Variants in KNSTRN observed in about 807,000 individuals in gnomAD.
KNSTRN encodes kinetochore localized astrin (SPAG5) binding protein, also known as small kinetochore-associated protein.
Under a neutral mutation model 44.7 loss-of-function variants are expected in KNSTRN, and 38 were observed. The observed-to-expected ratio is 0.85, with a 90% confidence interval of 0.66 to 1.11. The LOEUF is 1.11. Among genes scored for constraint, KNSTRN ranks in the 50% most tolerant of loss-of-function variants. The pLI, the probability that KNSTRN is intolerant of heterozygous loss-of-function variation, is 0.00. For synonymous variants in KNSTRN, 158 were observed against 148.1 expected (o/e 1.07, Z -0.48); for missense variants, 406 against 375.8 (o/e 1.08, Z -0.66).
At chr15:40,390,796 G>A (rs920653944) in intron 6 of KNSTRN, among the ~76,000 whole-genome samples, 1 of 151,928 alleles carries the variant, frequency 6.6e-6, no homozygotes, top group Non-Finnish European at 1.5e-5. Flanking sequence ...TGTATTTTTA[G>A]TAGAGATGGG....
In KNSTRN at chr15:40,387,036, G is replaced by A. The variant is rs1000782154; in HGVS notation, c.438-123G>A. On this transcript the variant is annotated intron_variant, in intron 3 of 8. Transcript: ENST00000249776. ...ATAGTCTCTCAGAGCTCTTAAGCTT[G>A]TGCCATTTGCCTTTTATGTCTGGTT... 27 of 737,968 alleles carry A rather than the reference G, an allele frequency of 3.7e-5. No individual in the cohort carries two copies. In the Admixed American group the frequency reaches 5.3e-4, roughly 14 times the overall value. 45.7% of individuals were successfully genotyped at this position (737,968 alleles called of 1,614,324 possible).
At chr15:40,386,274 G>T in intron 2 of KNSTRN, 88 bp from the exon 3 acceptor site, 1 of 1,310,710 alleles carries the variant, frequency 7.6e-7, no homozygotes, top group South Asian at 1.5e-5. Flanking sequence ...AAAGATTTAT[G>T]ACAACTTCGA....
At chr15:40,392,986 T>G (rs1415966485) in intron 8 of KNSTRN, among the ~76,000 whole-genome samples, 1 of 150,614 alleles carries the variant, frequency 6.6e-6, no homozygotes, top group Non-Finnish European at 1.5e-5. Flanking sequence ...CATTTGGATT[T>G]TAGCAGTTTT....
At chr15:40,391,437 C>A in intron 6 of KNSTRN, 56 bp from the exon 7 acceptor site, 1 of 1,403,618 alleles carries the variant, frequency 7.1e-7, no homozygotes, top group South Asian at 1.2e-5. Flanking sequence ...TTTTTATTTT[C>A]TTTTGTTTAG....
rs1889833197 is a variant in KNSTRN, at chr15:40,382,905, TC to T, written c.73del (p.His25ThrfsTer19). 1 of 1,612,306 alleles carries T rather than the reference TC, an allele frequency of 6.2e-7. No homozygotes were observed. Among genetic ancestry groups the T allele is most frequent in the Non-Finnish European group, 8.5e-7 (1 of 1,180,026 alleles). On this transcript the variant is annotated frameshift_variant, in exon 1 of 9. Transcript: ENST00000249776. LOFTEE classifies it high-confidence loss of function. Reference sequence around the variant, plus strand: ...AACATGGCTGTCTACAGAGTGCGATTCCCACCCACTTCCGCCTAGCTACCGG... The same window carrying T: ...AACATGGCTGTCTACAGAGTGCGATTCCACCCACTTCCGCCTAGCTACCGG... ...RTTWLSTECDSHPLPPSYRKF... is the reference protein window; with the variant it reads ...RTTWLSTECDXHPLPPSYRKF...
At position 40,387,184 on chromosome 15, in the gene KNSTRN, A is replaced by T; in HGVS notation, c.463A>T (p.Thr155Ser). The change falls in exon 4 of 9, where the codon ACC (threonine) becomes TCC (serine). Residue 155 changes from threonine (T) to serine (S), a missense_variant. Coordinates refer to ENST00000249776, the MANE Select transcript of KNSTRN (RefSeq NM_033286.4). ...NGQMKATDTATRRNVRKGYKP... is the reference protein window; with the variant it reads ...NGQMKATDTASRRNVRKGYKP... ...GCAAATGAAAGCTACTGACACTGCC[A>T]CCAGAAGGAATGTCAGAAAAGGGTG... 1.9e-6 allele frequency: 3 copies of T among 1,613,638 alleles called. No individual in the cohort carries two copies. The highest frequency in any genetic ancestry group is 2.5e-6 in the Non-Finnish European group (3 of 1,179,538).
In KNSTRN at chr15:40,383,010, G is replaced by A; in HGVS notation, c.175G>A (p.Glu59Lys). Residue 59 changes from glutamate to lysine, a missense_variant, in exon 1 of 9, where the codon GAG becomes AAG. Physicochemically the swap from Glu to Lys is moderately conservative, Grantham distance 56. Transcript: ENST00000249776. ...VAAGNLLNES[E>K]KDCGQDRRAP... ...TGCAGGGAATCTTTTAAACGAGAGC[G>A]AGAAGGACTGCGGGCAGGACCGGCG... 3 of 1,611,720 alleles carry A rather than the reference G, an allele frequency of 1.9e-6. No individual in the cohort carries two copies. In the South Asian group the frequency reaches 3.3e-5, roughly 18 times the overall value.
At position 40,393,564 on chromosome 15, in the gene KNSTRN, C is replaced by T. The variant is rs749214550; in HGVS notation, c.918C>T (p.Ala306=). 2.5e-6 allele frequency: 4 copies of T among 1,613,946 alleles called. No individual in the cohort carries two copies. Among genetic ancestry groups the T allele is most frequent in the South Asian group, 2.2e-5 (2 of 91,050 alleles). Residue 306 remains alanine (A), a synonymous_variant, in exon 9 of 9, where the codon GCC becomes GCT. Coordinates refer to ENST00000249776, the MANE Select transcript of KNSTRN (RefSeq NM_033286.4). ...CNNQVNDLTT[A]LKEMEQLLEM Reference sequence around the variant, plus strand: ...ATCAAGTAAATGATTTAACAACAGCCCTTAAGGAAATGGAGCAGCTATTAG... The same window carrying T: ...ATCAAGTAAATGATTTAACAACAGCTCTTAAGGAAATGGAGCAGCTATTAG...
At chr15:40,389,680 C>A in intron 5 of KNSTRN, 69 bp downstream of exon 5, 1 of 1,333,850 alleles carries the variant, frequency 7.5e-7, no homozygotes, top group Non-Finnish European at 1.1e-6. Flanking sequence ...TGATGGGTGG[C>A]CCCTTGGATG....
chr15:40,386,573 T>G (rs1222219986), intron 3 of KNSTRN, 79 bp downstream of exon 3: 2 of 1,494,628 alleles, frequency 1.3e-6, no homozygotes, highest in Non-Finnish European at 1.8e-6. Context: ...AACAGAGTTT[T>G]GGACAACACA....
intron 8 of KNSTRN, among the ~76,000 whole-genome samples, chr15:40,392,799 C>T (rs775491870): frequency 1.2e-4 from 18 of 151,204 alleles, no homozygotes; most frequent in South Asian, 8.3e-4. Context: ...TTAGTAGAGA[C>T]AGGGTTTCAC....
Position 40,385,990 on chromosome 15 carries a change from G to A in KNSTRN, c.305-372G>A, listed in dbSNP as rs150996867. Among the ~76,000 whole-genome samples, 7 of 152,354 alleles carry A rather than the reference G, an allele frequency of 4.6e-5. No homozygotes were observed. In the East Asian group the frequency reaches 1.2e-3, roughly 25 times the overall value. On this transcript the variant is annotated intron_variant, in intron 2 of 8. Coordinates refer to ENST00000249776, the MANE Select transcript of KNSTRN (RefSeq NM_033286.4). ...GATTTGGCCAGGCATCGTGGCTCAC[G>A]CCAGAGTGGCCAAGGCAGGAGGATT...
intron 3 of KNSTRN, 95 bp downstream of exon 3, chr15:40,386,589 CCTGAA>C (rs1889906922): frequency 7.5e-7 from 1 of 1,339,122 alleles, no homozygotes; most frequent in South Asian, 1.4e-5. Context: ...ACACAAGTCT[CCTGAA>C]CAACTGGCCT....
chr15:40,389,846 A>G lies in KNSTRN; in HGVS notation c.602A>G (p.Lys201Arg). ...QKLTETQGELKDLTQKVELLE... is the reference protein window; with the variant it reads ...QKLTETQGELRDLTQKVELLE... ...GCTGTGCTCCAATAGGGAGAGCTGA[A>G]GGACCTGACCCAGAAGGTAGAGCTG... Residue 201 changes from lysine to arginine, a missense_variant, in exon 6 of 9, where the codon AAG becomes AGG. Coordinates refer to ENST00000249776, the MANE Select transcript of KNSTRN (RefSeq NM_033286.4). 1 of 1,614,196 alleles carries G rather than the reference A, an allele frequency of 6.2e-7. No individual in the cohort carries two copies. Among genetic ancestry groups the G allele is most frequent in the Non-Finnish European group, 8.5e-7 (1 of 1,180,000 alleles).
At chr15:40,389,697 C>CT in intron 5 of KNSTRN, 86 bp downstream of exon 5, 1 of 1,285,240 alleles carries the variant, frequency 7.8e-7, no homozygotes, top group Non-Finnish European at 1.1e-6. Context: ...GATGAGCAAG[C>CT]TTGTTAATGC....
chr15:40,391,600 G>T (rs757378170), intron 7 of KNSTRN, 46 bp downstream of exon 7: 1 of 1,489,244 alleles, frequency 6.7e-7, no homozygotes, highest in Admixed American at 1.7e-5. Context: ...GTGACTGTGG[G>T]GCTCTGTAAA....
At position 40,386,825 on chromosome 15, in the gene KNSTRN, C is replaced by G. The variant is rs1005534207; in HGVS notation, c.437+331C>G. 23 of 508,952 alleles carry G rather than the reference C, an allele frequency of 4.5e-5. No individual in the cohort carries two copies. In the Middle Eastern group the frequency reaches 2.1e-3, roughly 47 times the overall value. 31.5% of individuals were successfully genotyped at this position (508,952 alleles called of 1,614,324 possible). A position where few individuals can be genotyped will look rare whatever the true frequency, so the allele number is the denominator to read the frequency against. On this transcript the variant is annotated intron_variant, in intron 3 of 8. Transcript: ENST00000249776. ...TGTTATCCTAGGTTGCTGCTCTGAC[C>G]ACACAGTCCAGCCCTAGTGTGTGTG...
chr15:40,382,879 C>T lies in KNSTRN; in HGVS notation c.44C>T (p.Thr15Ile), dbSNP rs1889831710. The change falls in exon 1 of 9, where the codon ACA (threonine) becomes ATA (isoleucine). Residue 15 changes from threonine (T) to isoleucine (I), a missense_variant. Coordinates refer to ENST00000249776, the MANE Select transcript of KNSTRN (RefSeq NM_033286.4). ...EAPPLDRVFR[T>I]TWLSTECDSH... The stretch of plus-strand genomic sequence containing the variant: ...CCGCCCCTGGACAGAGTTTTCCGTA[C>T]AACATGGCTGTCTACAGAGTGCGAT... 1 of 1,612,160 alleles carries T rather than the reference C, an allele frequency of 6.2e-7. No homozygotes were observed. The highest frequency in any genetic ancestry group is 8.5e-7 in the Non-Finnish European group (1 of 1,180,026).
chr15:40,391,487 C>T lies in KNSTRN; in HGVS notation c.686-6C>T. The stretch of plus-strand genomic sequence containing the variant: ...TAAGTGAGATTGACTTTGTTGTATC[C>T]ATCAGCTTTAGGCAGTGAGACCCTG... On this transcript the variant is annotated splice_polypyrimidine_tract_variant and splice_region_variant and intron_variant, in intron 6 of 8. Coordinates refer to ENST00000249776, the MANE Select transcript of KNSTRN (RefSeq NM_033286.4). The T allele has an allele frequency of 6.2e-7, 1 of 1,612,658 alleles. No individual in the cohort carries two copies. The highest frequency in any genetic ancestry group is 1.3e-5 in the African/African-American group (1 of 74,940).
Sources: allele counts gnomAD v4.1 joint callset (sites outside exome capture counted in the v4.1 genomes callset), GRCh38; gene constraint gnomAD v4.1.1; transcripts MANE v1.5; gene names NCBI Gene and HGNC (gene_info 2026-07-23, HGNC 2026-07-21).